DACH1: variants seen among roughly 807,000 people sequenced by gnomAD.
The protein encoded by DACH1 is dachshund family transcription factor 1.
DACH1 carries 12 observed loss-of-function variants against 54.2 expected under a neutral mutation model. The ratio of observed to expected loss-of-function variants is 0.22; its 90% confidence interval spans 0.14 to 0.36. DACH1 has a LOEUF of 0.36. DACH1 is among the 10% of genes least tolerant of loss of function. The probability of loss-of-function intolerance (pLI) is 1.00; values close to 1 mark genes in which losing one functional copy is unlikely to be tolerated. For missense variants in DACH1, 805 were observed against 929.8 expected, an observed-to-expected ratio of 0.87 and a Z score of 1.75; for synonymous variants, 386 against 366.2, an observed-to-expected ratio of 1.05 and a Z score of -0.62.
At chr13:71,596,398 G>T (rs1374355226) in intron 3 of DACH1, among the ~76,000 whole-genome samples, 1 of 152,170 alleles carries the variant, frequency 6.6e-6, no homozygotes, top group East Asian at 1.9e-4. Flanking sequence ...GAGAGGAAAA[G>T]ATACCATGGC....
intron 1 of DACH1, among the ~76,000 whole-genome samples, chr13:71,687,188 C>A (rs552468523): frequency 1.3e-3 from 195 of 152,144 alleles, no homozygotes; most frequent in South Asian, 5.6e-3. Flanking sequence ...CCTACAAAAC[C>A]AAGAGGTTTG....
At chr13:71,458,434 T>C (rs781442676) in intron 10 of DACH1, among the ~76,000 whole-genome samples, 1 of 152,000 alleles carries the variant, frequency 6.6e-6, no homozygotes, top group Non-Finnish European at 1.5e-5. Context: ...AAGCAATTTA[T>C]ATGCATTTCA....
At chr13:71,839,632 A>C (rs886739919) in intron 1 of DACH1, among the ~76,000 whole-genome samples, 1 of 152,196 alleles carries the variant, frequency 6.6e-6, no homozygotes, top group South Asian at 2.1e-4. Flanking sequence ...AAATAAAAAT[A>C]AAATTAAAAA....
intron 2 of DACH1, among the ~76,000 whole-genome samples, chr13:71,681,039 TATAA>T (rs1880867830): frequency 6.6e-6 from 1 of 151,866 alleles, no homozygotes; most frequent in African/African-American, 2.4e-5. Flanking sequence ...AAAACATTAA[TATAA>T]ATATTCTATA....
chr13:71,554,770 A>G lies in DACH1; in HGVS notation c.1570+2254T>C, dbSNP rs1007739233. On this transcript the variant is annotated intron_variant, in intron 6 of 10. Transcript: ENST00000613252. ...AAATAACTTCCAAATAACAAAGCAA[A>G]TACTTTAAAACATGCCTAGATCATC... Among the ~76,000 whole-genome samples, 10 of 152,214 alleles carry G rather than the reference A, an allele frequency of 6.6e-5. 1 individual carries two copies. Among genetic ancestry groups the G allele is most frequent in the Admixed American group, 3.3e-4 (5 of 15,282 alleles).
intron 2 of DACH1, chr13:71,675,438 C>G (rs574761719): frequency 7.0e-7 from 1 of 1,431,362 alleles, no homozygotes; most frequent in African/African-American, 1.4e-5. Context: ...CAAAAGACAT[C>G]CAGCTAGCAC....
chr13:71,799,032 A>G lies in DACH1; in HGVS notation c.848+66890T>C, dbSNP rs558488918. Among the ~76,000 whole-genome samples, 5 of 152,228 alleles carry G rather than the reference A, an allele frequency of 3.3e-5. No individual in the cohort carries two copies. The South Asian group carries it at 1.0e-3, about 32-fold the overall frequency. ...TTAGTCCCAGAAGCATTCCAGAGAC[A>G]CAACCTGTTTTGAGGAAGCTAAAGT... On this transcript the variant is annotated intron_variant, in intron 1 of 10. Coordinates refer to ENST00000613252, the MANE Select transcript of DACH1 (RefSeq NM_080759.6).
chr13:71,671,767 C>A (rs1880221768), intron 2 of DACH1, among the ~76,000 whole-genome samples: 2 of 152,118 alleles, frequency 1.3e-5, no homozygotes, highest in South Asian at 4.2e-4. Flanking sequence ...ACTTTTCATC[C>A]CAGTTTTCTC....
chr13:71,475,885 T>A (rs888104399), intron 8 of DACH1, 36 bp from the exon 9 acceptor site: 5 of 1,405,248 alleles, frequency 3.6e-6, no homozygotes, highest in South Asian at 1.7e-5. Context: ...TATTATTATT[T>A]TTAAATTTTC....
intron 2 of DACH1, among the ~76,000 whole-genome samples, chr13:71,679,993 T>C (rs1279388497): frequency 6.7e-6 from 1 of 149,438 alleles, no homozygotes; most frequent in Non-Finnish European, 1.5e-5. Context: ...TCATATGTAG[T>C]ATAAAAGATT....
intron 1 of DACH1, 119 bp downstream of exon 1, chr13:71,865,803 T>G: frequency 7.7e-7 from 1 of 1,304,634 alleles, no homozygotes; most frequent in Non-Finnish European, 9.7e-7. Flanking sequence ...AGGGCCGCGC[T>G]CGCCGGGGCG....
At chr13:71,464,718 A>G (rs1876410527) in intron 10 of DACH1, 1 of 454,750 alleles carries the variant, frequency 2.2e-6, no homozygotes, top group Non-Finnish European at 4.4e-6. Flanking sequence ...AACTGTTTTG[A>G]TGTATAATCT....
At chr13:71,514,549 A>C (rs1881018202) in intron 6 of DACH1, among the ~76,000 whole-genome samples, 1 of 151,840 alleles carries the variant, frequency 6.6e-6, no homozygotes, top group Non-Finnish European at 1.5e-5. Flanking sequence ...AATTACTATT[A>C]CTATAACTTT....
At chr13:71,493,213 TTC>T (rs760576865) in intron 6 of DACH1, among the ~76,000 whole-genome samples, 27 of 152,050 alleles carry the variant, frequency 1.8e-4, no homozygotes, top group Non-Finnish European at 4.0e-4. Context: ...TAGCTTCCAT[TTC>T]TCTCTCTCTT....
chr13:71,684,696 G>T (rs1226728119), intron 1 of DACH1, among the ~76,000 whole-genome samples: 2 of 152,014 alleles, frequency 1.3e-5, no homozygotes, highest in Non-Finnish European at 2.9e-5. Flanking sequence ...ATCTCCCAAG[G>T]CTACTTGACA....
chr13:71,689,901 A>G (rs1022212284), intron 1 of DACH1, among the ~76,000 whole-genome samples: 13 of 152,170 alleles, frequency 8.5e-5, no homozygotes, highest in African/African-American at 3.1e-4. Flanking sequence ...TAGAATATAC[A>G]TAAGGTCTAA....
At chr13:71,807,992 A>G (rs972820405) in intron 1 of DACH1, among the ~76,000 whole-genome samples, 1 of 152,168 alleles carries the variant, frequency 6.6e-6, no homozygotes, top group Non-Finnish European at 1.5e-5. Flanking sequence ...TATTTAGTCT[A>G]GAATTACAAC....
intron 10 of DACH1, among the ~76,000 whole-genome samples, chr13:71,466,021 A>G (rs1398217034): frequency 6.6e-6 from 1 of 152,164 alleles, no homozygotes; most frequent in Non-Finnish European, 1.5e-5. Flanking sequence ...TTTCTTTCTT[A>G]CAAAGGTAAT....
At chr13:71,658,244 A>G (rs934233412) in intron 2 of DACH1, among the ~76,000 whole-genome samples, 6 of 152,172 alleles carry the variant, frequency 3.9e-5, no homozygotes, top group African/African-American at 1.4e-4. Flanking sequence ...TATGCATTAT[A>G]TATTTCTTAT....
Sources: allele counts gnomAD v4.1 joint callset (sites outside exome capture counted in the v4.1 genomes callset), GRCh38; gene constraint gnomAD v4.1.1; transcripts MANE v1.5; gene names NCBI Gene and HGNC (gene_info 2026-07-23, HGNC 2026-07-21).